PAPOLG: variants seen among roughly 807,000 people sequenced by gnomAD.
PAPOLG encodes the protein poly(A) polymerase gamma.
In PAPOLG, 40 loss-of-function variants were observed where a neutral mutation model predicts 99.0. The ratio of observed to expected loss-of-function variants is 0.40; its 90% CI spans 0.31 to 0.53. PAPOLG has a LOEUF of 0.53. Ranked by LOEUF, PAPOLG falls within the 20% of genes least tolerant of loss-of-function variation. The pLI is 0.41. For synonymous variants in PAPOLG, 310 were observed against 299.3 expected, an observed-to-expected ratio of 1.04 and a Z score of -0.37; for missense variants, 675 against 884.1, an observed-to-expected ratio of 0.76 and a Z score of 3.00.
chr2:60,793,592 A>G (rs781672745), intron 17 of PAPOLG, 35 bp from the exon 18 acceptor site: 26 of 1,605,142 alleles, frequency 1.6e-5, no homozygotes, highest in Non-Finnish European at 2.0e-5. Context: ...TAATATTTAA[A>G]TCATTTATTG....
chr2:60,784,603 C>T (rs991676887), intron 13 of PAPOLG, among the ~76,000 whole-genome samples: 2 of 152,152 alleles, frequency 1.3e-5, no homozygotes, highest in Admixed American at 1.3e-4. Context: ...ATCCTTATTT[C>T]ATTGGTAATT....
intron 1 of PAPOLG, among the ~76,000 whole-genome samples, chr2:60,759,197 G>A (rs1372824910): frequency 5.9e-5 from 9 of 152,168 alleles, no homozygotes; most frequent in Non-Finnish European, 8.8e-5. Flanking sequence ...GCGAAACTCC[G>A]TCTCTACTAA....
chr2:60,794,421 T>C, intron 19 of PAPOLG: 1 of 586,814 alleles, frequency 1.7e-6, no homozygotes, highest in Non-Finnish European at 2.9e-6. Flanking sequence ...AAGTCATTAC[T>C]GATAACAAAA....
intron 1 of PAPOLG, 109 bp downstream of exon 1, chr2:60,756,604 G>C: frequency 8.2e-7 from 1 of 1,223,230 alleles, no homozygotes; most frequent in South Asian, 1.5e-5. Flanking sequence ...CACGCAGCTC[G>C]CCGGGATGGT....
rs1040532175 is a variant in PAPOLG at position 60,791,591 on chromosome 2, G to A, written c.1397-170G>A. ...CTAGTGGATTCATGAATAGGATTGT[G>A]ATGTGATGGAAGTGTATTAAAAATA... On this transcript the variant is annotated intron_variant, in intron 15 of 21. Transcript: ENST00000238714. 8.1e-6 allele frequency: 5 copies of A among 617,890 alleles called. No individual in the cohort carries two copies. The African/African-American group carries it at 9.5e-5, about 12-fold the overall frequency. 38.3% of individuals were successfully genotyped at this position (617,890 alleles called of 1,614,324 possible). A position where few individuals can be genotyped will look rare whatever the true frequency, so the allele number is the denominator to read the frequency against.
intron 3 of PAPOLG, among the ~76,000 whole-genome samples, chr2:60,764,793 C>A (rs557182298): frequency 6.6e-6 from 1 of 152,108 alleles, no homozygotes; most frequent in South Asian, 2.1e-4. Flanking sequence ...AGAATTGGTT[C>A]TTTTAAACAG....
chr2:60,773,057 T>C, intron 7 of PAPOLG, among the ~76,000 whole-genome samples: 1 of 152,146 alleles, frequency 6.6e-6, no homozygotes. Context: ...CCTGAGTAGC[T>C]GAAATTACAG....
intron 7 of PAPOLG, among the ~76,000 whole-genome samples, chr2:60,774,317 T>G (rs1219128978): frequency 6.6e-6 from 1 of 152,010 alleles, no homozygotes; most frequent in African/African-American, 2.4e-5. Context: ...AAAAAAAGTT[T>G]GACCTCACAG....
chr2:60,795,022 T>G lies in PAPOLG; in HGVS notation c.2112+2T>G, dbSNP rs867263476. The G allele has an allele frequency of 6.2e-7, 1 of 1,608,680 alleles. No homozygotes were observed. Among genetic ancestry groups the G allele is most frequent in the Non-Finnish European group, 8.5e-7 (1 of 1,175,400 alleles). On this transcript the variant is annotated splice_donor_variant, in intron 21 of 21. Transcript: ENST00000238714. LOFTEE classifies it high-confidence loss of function. ...ACTATTGATACATCACGCAAAAAGG[T>G]AACAAGATAGTCTTGTTCATAGGTA...
intron 3 of PAPOLG, among the ~76,000 whole-genome samples, chr2:60,766,594 T>C (rs1670681935): frequency 6.6e-6 from 1 of 151,440 alleles, no homozygotes; most frequent in Admixed American, 6.6e-5. Context: ...TTGTGCTCAG[T>C]AGTTTGAGGC....
In PAPOLG at chr2:60,782,859, C is replaced by T. The variant is rs927109261; in HGVS notation, c.1112+89C>T. 8 of 1,379,542 alleles carry T rather than the reference C, an allele frequency of 5.8e-6. No homozygotes were observed. In the South Asian group the frequency reaches 1.2e-4, roughly 21 times the overall value. 85.5% of individuals were successfully genotyped at this position (1,379,542 alleles called of 1,614,324 possible). A position where few individuals can be genotyped will look rare whatever the true frequency, so the allele number is the denominator to read the frequency against. ...ATAGTTAATATATGGCAGGTGACAG[C>T]TCTTTTATTTCTTAAGCAAGAGAGA... On this transcript the variant is annotated intron_variant, in intron 12 of 21. Transcript: ENST00000238714.
Position 60,797,093 on chromosome 2 carries a change from C to T in PAPOLG, c.2144C>T (p.Ser715Leu). 2 of 1,613,374 alleles carry T rather than the reference C, an allele frequency of 1.2e-6. No homozygotes were observed. The highest frequency in any genetic ancestry group is 1.7e-6 in the Non-Finnish European group (2 of 1,179,302). Reference protein sequence around the residue: ...RLPSKELPDSSSPVPANNIRV... With the variant: ...RLPSKELPDSLSPVPANNIRV... ...CCCAGTAAAGAACTACCAGATTCAT[C>T]ATCTCCAGTTCCAGCAAACAACATC... The change falls in exon 22 of 22, where the codon TCA (serine) becomes TTA (leucine). Residue 715 changes from serine to leucine, a missense_variant. Physicochemically the swap from Ser to Leu is moderately radical, Grantham distance 145 (BLOSUM62 -2). Transcript: ENST00000238714.
intron 17 of PAPOLG, 24 bp from the exon 18 acceptor site, chr2:60,793,603 A>G: frequency 2.5e-6 from 4 of 1,609,540 alleles, no homozygotes. Flanking sequence ...TCATTTATTG[A>G]TGATAATTTA....
chr2:60,794,121 C>T lies in PAPOLG; in HGVS notation c.1919C>T (p.Thr640Ile). Residue 640 changes from threonine to isoleucine, a missense_variant, in exon 19 of 22, where the codon ACT (threonine) becomes ATT (isoleucine). Coordinates refer to ENST00000238714, the MANE Select transcript of PAPOLG (RefSeq NM_022894.4). Reference sequence around the variant, plus strand: ...AATGGAATGTCAAATATAACTAAGACTGTTACACCTAAGAGATCCCATTCC... The same window carrying T: ...AATGGAATGTCAAATATAACTAAGATTGTTACACCTAAGAGATCCCATTCC... Reference protein sequence around the residue: ...HLNGMSNITKTVTPKRSHSPS... With the variant: ...HLNGMSNITKIVTPKRSHSPS... 1 of 1,613,952 alleles carries T rather than the reference C, an allele frequency of 6.2e-7. No homozygotes were observed. The highest frequency in any genetic ancestry group is 8.5e-7 in the Non-Finnish European group (1 of 1,179,874).
At chr2:60,773,006 A>G (rs1469945769) in intron 7 of PAPOLG, among the ~76,000 whole-genome samples, 1 of 151,320 alleles carries the variant, frequency 6.6e-6, no homozygotes, top group Non-Finnish European at 1.5e-5. Context: ...GCTCTCTGCA[A>G]CCTCCGCCTC....
At chr2:60,767,733 A>C (rs144158372) in intron 3 of PAPOLG, among the ~76,000 whole-genome samples, 1 of 152,380 alleles carries the variant, frequency 6.6e-6, no homozygotes, top group African/African-American at 2.4e-5. Context: ...GAAATTAAAC[A>C]TACCTGTCAC....
intron 15 of PAPOLG, among the ~76,000 whole-genome samples, chr2:60,789,827 C>T (rs769501194): frequency 7.2e-5 from 11 of 152,184 alleles, no homozygotes; most frequent in Non-Finnish European, 1.5e-4. Flanking sequence ...TGGTGGCTCA[C>T]GCCTGTAATC....
In PAPOLG at chr2:60,782,678, T is replaced by TTTTTTTTTA. The variant is rs67779326; in HGVS notation, c.1028-8_1028-7insTTTTTTTTA. ...CTTTTTTTTTTTTTTTTTTTTTTTT[T>TTTTTTTTTA]AATTTAGGTCTTGCAGTCACAGATG... On this transcript the variant is annotated splice_polypyrimidine_tract_variant and splice_region_variant and intron_variant, in intron 11 of 21. Coordinates refer to ENST00000238714, the MANE Select transcript of PAPOLG (RefSeq NM_022894.4). 9 of 1,386,288 alleles carry TTTTTTTTTA rather than the reference T, an allele frequency of 6.5e-6. No homozygotes were observed. The highest frequency in any genetic ancestry group is 3.5e-5 in the African/African-American group (2 of 56,466). 85.9% of individuals were successfully genotyped at this position (1,386,288 alleles called of 1,614,324 possible).
At chr2:60,763,414 C>T (rs1670580083) in intron 3 of PAPOLG, among the ~76,000 whole-genome samples, 2 of 152,046 alleles carry the variant, frequency 1.3e-5, no homozygotes, top group Non-Finnish European at 2.9e-5. Flanking sequence ...GGCTTTTTCC[C>T]CCCAGTATTT....
Sources: allele counts gnomAD v4.1 joint callset (sites outside exome capture counted in the v4.1 genomes callset), GRCh38; gene constraint gnomAD v4.1.1; transcripts MANE v1.5; gene names NCBI Gene and HGNC (gene_info 2026-07-23, HGNC 2026-07-21).